Variants in ZNF146 observed in about 807,000 individuals in gnomAD.
ZNF146 encodes the protein zinc finger protein OZF.
ZNF146 carries 9 observed loss-of-function variants against 22.2 expected under a neutral mutation model. That is an observed-to-expected ratio of 0.41 (90% CI 0.24 to 0.71). ZNF146 has a LOEUF of 0.71. ZNF146 is among the 30% of genes least tolerant of loss of function. The pLI, the probability that ZNF146 is intolerant of heterozygous loss-of-function variation, is 0.34. For missense variants in ZNF146, 194 were observed against 344.8 expected, an observed-to-expected ratio of 0.56 and a Z score of 3.46; for synonymous variants, 108 against 119.2, an observed-to-expected ratio of 0.91 and a Z score of 0.61.
At chr19:36,230,840 C>T (rs1438698697) in intron 3 of ZNF146, among the ~76,000 whole-genome samples, 2 of 152,132 alleles carry the variant, frequency 1.3e-5, no homozygotes, top group African/African-American at 4.8e-5. Context: ...CTTGCTCTGT[C>T]ACCCAGGCTG....
chr19:36,222,897 C>CT (rs34403288), intron 2 of ZNF146, among the ~76,000 whole-genome samples: 47,825 of 140,082 alleles, frequency 0.34, 8,716 homozygotes, highest in Middle Eastern at 0.51. Flanking sequence ...ATAATAGTTT[C>CT]TTTTTTTACA....
intron 3 of ZNF146, among the ~76,000 whole-genome samples, chr19:36,232,617 T>C (rs867966253): frequency 3.2e-4 from 49 of 151,108 alleles, no homozygotes; most frequent in Non-Finnish European, 1.8e-4. Context: ...TTCTTTTTTT[T>C]TTTTTTCCCG....
At position 36,238,269 on chromosome 19, in the gene ZNF146, C is replaced by T. The variant is rs969747643; in HGVS notation, c.*950C>T. 3 of 167,006 alleles carry T rather than the reference C, an allele frequency of 1.8e-5. No homozygotes were observed. The highest frequency in any genetic ancestry group is 4.4e-5 in the Non-Finnish European group (3 of 68,100). 10.3% of individuals were successfully genotyped at this position (167,006 alleles called of 1,614,324 possible). The stretch of plus-strand genomic sequence containing the variant: ...TTTGTAAATTTGAATTAAAAGTTTC[C>T]TCATAAAACTCAGTACTATCTATTG... On this transcript the variant is annotated 3_prime_UTR_variant, in exon 4 of 4. Transcript: ENST00000443387.
intron 3 of ZNF146, among the ~76,000 whole-genome samples, chr19:36,231,220 T>C (rs998569553): frequency 2.0e-5 from 3 of 151,816 alleles, no homozygotes; most frequent in Non-Finnish European, 2.9e-5. Context: ...AAAGTTCTTC[T>C]TTTTTTTGAG....
At position 36,218,210 on chromosome 19, in the gene ZNF146, C is replaced by G. The variant is rs1363271236; in HGVS notation, c.-855+15C>G. ...GGGGACCTCAGGTAGGTACTTAAAC[C>G]TTGGGCCTCAGTTGCTCATTTCATA... On this transcript the variant is annotated intron_variant, in intron 2 of 3. Coordinates refer to ENST00000443387, the MANE Select transcript of ZNF146 (RefSeq NM_007145.3). 1 of 150,942 alleles carries G rather than the reference C, an allele frequency of 6.6e-6. No homozygotes were observed. Among genetic ancestry groups the G allele is most frequent in the East Asian group, 1.9e-4 (1 of 5,158 alleles). The allele number at this position is 150,942 out of a possible 1,614,324, so 9.4% of individuals were successfully genotyped here.
At chr19:36,218,299 G>A (rs1976698240) in intron 2 of ZNF146, 104 bp downstream of exon 2, 1 of 151,900 alleles carries the variant, frequency 6.6e-6, no homozygotes, top group South Asian at 2.1e-4. Context: ...GTTAATACAT[G>A]TAAAGTTCTA....
At position 36,237,878 on chromosome 19, in the gene ZNF146, G is replaced by A. The variant is rs2145473989; in HGVS notation, c.*559G>A. 1 of 167,090 alleles carries A rather than the reference G, an allele frequency of 6.0e-6. No individual in the cohort carries two copies. Among genetic ancestry groups the A allele is most frequent in the South Asian group, 2.1e-4 (1 of 4,818 alleles). 10.4% of individuals were successfully genotyped at this position (167,090 alleles called of 1,614,324 possible). A position where few individuals can be genotyped will look rare whatever the true frequency, so the allele number is the denominator to read the frequency against. On this transcript the variant is annotated 3_prime_UTR_variant, in exon 4 of 4. Coordinates refer to ENST00000443387, the MANE Select transcript of ZNF146 (RefSeq NM_007145.3). ...TCTCCAAGGGGGAAAAATAGACCAT[G>A]AACTATACACAAAAGTGAATCCAGA...
At chr19:36,225,563 G>A (rs190332325) in intron 2 of ZNF146, among the ~76,000 whole-genome samples, 252 of 150,756 alleles carry the variant, frequency 1.7e-3, no homozygotes, top group African/African-American at 5.9e-3. Context: ...CAGTCCTTTT[G>A]TCTCAGCCTG....
At position 36,229,469 on chromosome 19, in the gene ZNF146, C is replaced by T. The variant is rs6510530; in HGVS notation, c.-783+650C>T. Among the ~76,000 whole-genome samples, 507 of 152,194 alleles carry T rather than the reference C, an allele frequency of 3.3e-3. 2 individuals are homozygous for T. The highest frequency in any genetic ancestry group is 0.012 in the African/African-American group (478 of 41,500). On this transcript the variant is annotated intron_variant, in intron 3 of 3. Transcript: ENST00000443387. ...AAGTGGTCCTCCTGCCTCAGACTCCCGAAAAAATCTCCTCTTAACTCTTGA... is the reference window on the plus strand; with the variant it reads ...AAGTGGTCCTCCTGCCTCAGACTCCTGAAAAAATCTCCTCTTAACTCTTGA...
chr19:36,221,384 G>A (rs2145407089), intron 2 of ZNF146, among the ~76,000 whole-genome samples: 1 of 149,586 alleles, frequency 6.7e-6, no homozygotes, highest in East Asian at 2.0e-4. Flanking sequence ...CGCCTCCCGG[G>A]TTCACGCCAT....
At position 36,218,995 on chromosome 19, in the gene ZNF146, A is replaced by G. The variant is rs972471610; in HGVS notation, c.-855+800A>G. ...GGCTAATTTTTTGTATTTTTAGTAG[A>G]GACGGGATTTCACCGTGTTAGCCAG... On this transcript the variant is annotated intron_variant, in intron 2 of 3. Coordinates refer to ENST00000443387, the MANE Select transcript of ZNF146 (RefSeq NM_007145.3). Among the ~76,000 whole-genome samples, 3 of 150,734 alleles carry G rather than the reference A, an allele frequency of 2.0e-5. No individual in the cohort carries two copies. The East Asian group carries it at 5.9e-4, about 30-fold the overall frequency.
intron 2 of ZNF146, among the ~76,000 whole-genome samples, chr19:36,224,490 CTG>C (rs1976990780): frequency 6.6e-6 from 1 of 152,212 alleles, no homozygotes; most frequent in Non-Finnish European, 1.5e-5. Flanking sequence ...AGCAGAAAGA[CTG>C]AGGACACTGC....
intron 1 of ZNF146, among the ~76,000 whole-genome samples, chr19:36,217,885 CAAAA>C (rs10590776): frequency 7.5e-5 from 10 of 133,264 alleles, no homozygotes; most frequent in Non-Finnish European, 9.7e-5. Context: ...AACTCCATCT[CAAAA>C]AAAAAAAAAA....
At position 36,237,468 on chromosome 19, in the gene ZNF146, T is replaced by G. The variant is rs971798957; in HGVS notation, c.*149T>G. 4.3e-6 allele frequency: 4 copies of G among 934,710 alleles called. No homozygotes were observed. Among genetic ancestry groups the G allele is most frequent in the Non-Finnish European group, 4.7e-6 (3 of 644,042 alleles). The allele number at this position is 934,710 out of a possible 1,614,324, so 57.9% of individuals were successfully genotyped here. A position where few individuals can be genotyped will look rare whatever the true frequency, so the allele number is the denominator to read the frequency against. ...AACTTAAGGGACACCAGAAAATTTG[T>G]ACTGAAGAGAAAGACATGCATATGA... On this transcript the variant is annotated 3_prime_UTR_variant, in exon 4 of 4. Transcript: ENST00000443387.
In ZNF146 at chr19:36,223,507, C is replaced by T. The variant is rs543495633; in HGVS notation, c.-854-5241C>T. Reference sequence around the variant, plus strand: ...CCTCCCAAGTAGCTGGGACTACAGGCGCATGCCACCACGCCTGGTTAATTT... The same window carrying T: ...CCTCCCAAGTAGCTGGGACTACAGGTGCATGCCACCACGCCTGGTTAATTT... On this transcript the variant is annotated intron_variant, in intron 2 of 3. Coordinates refer to ENST00000443387, the MANE Select transcript of ZNF146 (RefSeq NM_007145.3). Among the ~76,000 whole-genome samples, 28 of 152,036 alleles carry T rather than the reference C, an allele frequency of 1.8e-4. No homozygotes were observed. The East Asian group carries it at 4.7e-3, about 26-fold the overall frequency.
chr19:36,233,251 T>C (rs1387345725), intron 3 of ZNF146, among the ~76,000 whole-genome samples: 2 of 152,082 alleles, frequency 1.3e-5, no homozygotes, highest in Non-Finnish European at 2.9e-5. Context: ...TGGTGATGCA[T>C]GCCTGTAATC....
chr19:36,232,194 CA>C (rs35069898), intron 3 of ZNF146, among the ~76,000 whole-genome samples: 67,691 of 108,740 alleles, frequency 0.62, 17,560 homozygotes, highest in Middle Eastern at 0.73. Flanking sequence ...GACTCCATCT[CA>C]AAAAAAAAAA....
chr19:36,229,147 C>T (rs955783860), intron 3 of ZNF146, among the ~76,000 whole-genome samples: 1 of 152,192 alleles, frequency 6.6e-6, no homozygotes, highest in South Asian at 2.1e-4. Flanking sequence ...CTTTGTAAAA[C>T]CTTACATATT....
In ZNF146 at chr19:36,237,351, C is replaced by G. The variant is rs757232347; in HGVS notation, c.*32C>G. On this transcript the variant is annotated 3_prime_UTR_variant, in exon 4 of 4. Transcript: ENST00000443387. ...CATGAAAGCCTTGAAAGTGGGAAAG[C>G]TTTCATTAGAAATTTGCACCTCATC... is the stretch of plus-strand genomic sequence containing the variant. The G allele has an allele frequency of 6.4e-7, 1 of 1,553,938 alleles. No homozygotes were observed. The highest frequency in any genetic ancestry group is 8.7e-7 in the Non-Finnish European group (1 of 1,152,798).
Sources: gnomAD v4.1 joint callset for allele counts (sites outside exome capture counted in the v4.1 genomes callset) on GRCh38, gnomAD v4.1.1 for gene constraint, MANE v1.5 for transcripts, NCBI Gene and HGNC (gene_info 2026-07-23, HGNC 2026-07-21) for gene names.